Variants in SMARCA2 observed in about 807,000 individuals in gnomAD.
The protein encoded by SMARCA2 is SWI/SNF-related matrix-associated actin-dependent regulator of chromatin subfamily A member 2.
Under a neutral mutation model 199.8 loss-of-function variants are expected in SMARCA2, and 61 were observed. The ratio of observed to expected loss-of-function variants is 0.31; its 90% CI spans 0.25 to 0.38. SMARCA2 has a LOEUF of 0.38. SMARCA2 is among the 10% of genes least tolerant of loss of function. SMARCA2 has a pLI of 1.00. For synonymous variants in SMARCA2, 935 were observed against 732.0 expected (o/e 1.28, Z -4.48); for missense variants, 1,344 against 2,012.2 (o/e 0.67, Z 6.35).
At chr9:2,184,422 G>A (rs570010270) in intron 31 of SMARCA2, among the ~76,000 whole-genome samples, 5 of 144,556 alleles carry the variant, frequency 3.5e-5, no homozygotes, top group Admixed American at 2.2e-4. Context: ...GTGCCATCTC[G>A]GCTCGCTGCA....
chr9:2,079,472 G>T (rs1046805017), intron 14 of SMARCA2, among the ~76,000 whole-genome samples: 2 of 152,210 alleles, frequency 1.3e-5, no homozygotes, highest in Admixed American at 6.5e-5. Flanking sequence ...TGCCTTGATG[G>T]TGCTGAAGCA....
intron 27 of SMARCA2, among the ~76,000 whole-genome samples, chr9:2,151,692 C>T (rs763920829): frequency 3.3e-5 from 5 of 151,984 alleles, no homozygotes; most frequent in Admixed American, 1.3e-4. Flanking sequence ...AAGATTGTAC[C>T]ACTGCATTCC....
intron 4 of SMARCA2, chr9:2,042,570 CT>C (rs1819652902): frequency 6.6e-6 from 1 of 152,050 alleles, no homozygotes; most frequent in Non-Finnish European, 1.5e-5. Flanking sequence ...TTCCATTTAT[CT>C]GGATACCTGT....
chr9:2,140,312 T>A (rs1446168371), intron 27 of SMARCA2, among the ~76,000 whole-genome samples: 1 of 152,338 alleles, frequency 6.6e-6, no homozygotes, highest in South Asian at 2.1e-4. Context: ...AAAATATCAA[T>A]ACACTGATGT....
intron 29 of SMARCA2, among the ~76,000 whole-genome samples, chr9:2,180,319 G>A (rs1277981990): frequency 6.6e-6 from 1 of 152,148 alleles, no homozygotes; most frequent in Non-Finnish European, 1.5e-5. Context: ...GTTAATTTAT[G>A]CAGGCCTCTT....
At chr9:2,184,416 C>T (rs933938216) in intron 31 of SMARCA2, among the ~76,000 whole-genome samples, 1 of 149,564 alleles carries the variant, frequency 6.7e-6, no homozygotes, top group Non-Finnish European at 1.5e-5. Flanking sequence ...GCAGTGGTGC[C>T]ATCTCGGCTC....
In SMARCA2 at chr9:2,119,372, C is replaced by T; in HGVS notation, c.3685-86C>T. ...TCTTTCTGCCTTGAGAAATGGGACC[C>T]CTCTGGTCTGGAGGACAGATCACTT... is the stretch of plus-strand genomic sequence containing the variant. On this transcript the variant is annotated intron_variant, in intron 25 of 33. Coordinates refer to ENST00000349721, the MANE Select transcript of SMARCA2 (RefSeq NM_003070.5). This position sits in a 1 kb window ranked among gnomAD's most constrained non-coding sequence, Gnocchi z 4.6. 2 of 831,596 alleles carry T rather than the reference C, an allele frequency of 2.4e-6. No homozygotes were observed. Among genetic ancestry groups the T allele is most frequent in the Non-Finnish European group, 4.2e-6 (2 of 481,448 alleles). The allele number at this position is 831,596 out of a possible 1,614,324, so 51.5% of individuals were successfully genotyped here. A position where few individuals can be genotyped will look rare whatever the true frequency, so the allele number is the denominator to read the frequency against.
At chr9:2,112,223 C>T (rs961982426) in intron 24 of SMARCA2, among the ~76,000 whole-genome samples, 1 of 152,178 alleles carries the variant, frequency 6.6e-6, no homozygotes, top group Non-Finnish European at 1.5e-5. Context: ...TCCTCTCCTC[C>T]TGGTGTGCTC....
chr9:2,148,264 A>G (rs995149965), intron 27 of SMARCA2, among the ~76,000 whole-genome samples: 10 of 151,622 alleles, frequency 6.6e-5, no homozygotes, highest in African/African-American at 2.2e-4. Context: ...TAACATCAAC[A>G]TGTTTGGGAA....
At chr9:2,188,150 C>G (rs759467537) in intron 32 of SMARCA2, among the ~76,000 whole-genome samples, 3 of 151,940 alleles carry the variant, frequency 2.0e-5, no homozygotes, top group African/African-American at 7.3e-5. Flanking sequence ...GAACACTTTC[C>G]ATGGCAATGA....
chr9:2,084,345 G>A, intron 17 of SMARCA2, 149 bp downstream of exon 17: 1 of 537,582 alleles, frequency 1.9e-6, no homozygotes, highest in Non-Finnish European at 3.3e-6. Context: ...GATATGTTTT[G>A]GTCGTGGATT....
chr9:2,076,701 C>T (rs545083364), intron 13 of SMARCA2, among the ~76,000 whole-genome samples: 108 of 152,162 alleles, frequency 7.1e-4, no homozygotes, highest in African/African-American at 2.5e-3. Context: ...GCCTTTCCTG[C>T]CTCCCTTAAT....
chr9:2,061,090 GT>G, intron 9 of SMARCA2, 104 bp downstream of exon 9: 1 of 1,095,956 alleles, frequency 9.1e-7, no homozygotes, highest in Non-Finnish European at 1.3e-6. Flanking sequence ...CTGGTGGAAG[GT>G]TTAGATGATT....
intron 9 of SMARCA2, among the ~76,000 whole-genome samples, chr9:2,062,930 G>T (rs948004756): frequency 3.9e-5 from 6 of 152,270 alleles, no homozygotes; most frequent in African/African-American, 1.2e-4. Flanking sequence ...ACTGTTTCCA[G>T]TTGGAGGTGG....
chr9:2,152,055 C>T (rs557955672), intron 27 of SMARCA2, among the ~76,000 whole-genome samples: 5 of 152,286 alleles, frequency 3.3e-5, no homozygotes, highest in East Asian at 3.9e-4. Flanking sequence ...GGACTTTTGA[C>T]TGCCAGTAAA....
chr9:2,031,990 C>T (rs572217996), intron 2 of SMARCA2, among the ~76,000 whole-genome samples: 15 of 152,308 alleles, frequency 9.8e-5, no homozygotes, highest in Admixed American at 8.5e-4. Flanking sequence ...CAGTGACACT[C>T]TTTATACCAG....
At chr9:2,077,023 A>G (rs562575255) in intron 13 of SMARCA2, among the ~76,000 whole-genome samples, 1 of 152,290 alleles carries the variant, frequency 6.6e-6, no homozygotes, top group East Asian at 1.9e-4. Flanking sequence ...GCCCCACTTT[A>G]GGGACCCTTC....
At chr9:2,177,082 G>T (rs909946128) in intron 29 of SMARCA2, among the ~76,000 whole-genome samples, 2 of 152,172 alleles carry the variant, frequency 1.3e-5, no homozygotes, top group African/African-American at 4.8e-5. Context: ...GTTTCTGCAG[G>T]CTCTCTTGAT....
At chr9:2,174,742 G>A (rs1013970781) in intron 29 of SMARCA2, among the ~76,000 whole-genome samples, 2 of 151,780 alleles carry the variant, frequency 1.3e-5, no homozygotes, top group African/African-American at 4.8e-5. Context: ...GCAAGATGGT[G>A]GAAGCCTGTC....
Sources: gnomAD v4.1 joint callset for allele counts (sites outside exome capture counted in the v4.1 genomes callset) on GRCh38, gnomAD v4.1.1 for gene constraint, Gnocchi (gnomAD v3.1) non-coding constraint, MANE v1.5 for transcripts, NCBI Gene and HGNC (gene_info 2026-07-23, HGNC 2026-07-21) for gene names.